Variants in CUL1 observed in about 807,000 individuals in gnomAD.
CUL1 encodes the protein cullin-1.
In CUL1, 24 loss-of-function variants were observed where a neutral mutation model predicts 118.0. That is an observed-to-expected ratio of 0.20 (90% CI 0.15 to 0.29). The LOEUF (loss-of-function observed/expected upper bound fraction) is 0.29. Ranked by LOEUF, CUL1 falls within the 10% of genes least tolerant of loss-of-function variation. CUL1 has a pLI of 1.00. For missense variants in CUL1, 361 were observed against 933.8 expected (o/e 0.39, Z 7.99); for synonymous variants, 332 against 340.4 (o/e 0.98, Z 0.27).
At chr7:148,705,583 A>G (rs1368499077) in intron 1 of CUL1, among the ~76,000 whole-genome samples, 4 of 152,232 alleles carry the variant, frequency 2.6e-5, no homozygotes, top group African/African-American at 9.7e-5. Context: ...CGTGTGCCTA[A>G]TAGGCATCCG....
intron 17 of CUL1, among the ~76,000 whole-genome samples, chr7:148,794,254 A>G (rs1029878258): frequency 6.6e-6 from 1 of 151,098 alleles, no homozygotes; most frequent in African/African-American, 2.4e-5. Flanking sequence ...TATTTTATCT[A>G]TTTTTTCTTT....
intron 1 of CUL1, among the ~76,000 whole-genome samples, chr7:148,705,209 G>C (rs1292955071): frequency 6.6e-6 from 1 of 152,058 alleles, no homozygotes; most frequent in African/African-American, 2.4e-5. Context: ...CACTAGATTA[G>C]GTACTAATGA....
At chr7:148,720,991 G>A (rs977036755) in intron 1 of CUL1, among the ~76,000 whole-genome samples, 2 of 152,184 alleles carry the variant, frequency 1.3e-5, no homozygotes, top group Non-Finnish European at 2.9e-5. Context: ...TTAAAACTCA[G>A]GTTGGCTGTA....
At chr7:148,762,279 C>T (rs1204620462) in intron 7 of CUL1, among the ~76,000 whole-genome samples, 2 of 152,140 alleles carry the variant, frequency 1.3e-5, no homozygotes, top group East Asian at 1.9e-4. Context: ...AAGTCCTATC[C>T]GGTTTGTTTG....
At chr7:148,782,566 A>G (rs1800677112) in intron 9 of CUL1, among the ~76,000 whole-genome samples, 1 of 152,208 alleles carries the variant, frequency 6.6e-6, no homozygotes, top group Admixed American at 6.5e-5. Flanking sequence ...TGTTTATGTC[A>G]GGTGGAGACC....
intron 17 of CUL1, among the ~76,000 whole-genome samples, chr7:148,793,819 G>A (rs1158788974): frequency 1.3e-5 from 2 of 152,146 alleles, no homozygotes; most frequent in African/African-American, 2.4e-5. Context: ...TTGAGGCACT[G>A]CCAGACTGTT....
chr7:148,736,107 G>A lies in CUL1; in HGVS notation c.140+5845G>A, dbSNP rs187053953. On this transcript the variant is annotated intron_variant, in intron 2 of 21. Coordinates refer to ENST00000325222, the MANE Select transcript of CUL1 (RefSeq NM_003592.3). ...GAGAAACACTTGCGCCTGGGAGGTC[G>A]AGGCTGCAGTGAGTCATGATCGCAC... Among the ~76,000 whole-genome samples the A allele has an allele frequency of 1.9e-4, 29 of 151,914 alleles. No individual in the cohort carries two copies. In the East Asian group the frequency reaches 5.4e-3, roughly 28 times the overall value.
chr7:148,714,396 A>G (rs1365277345), intron 1 of CUL1, among the ~76,000 whole-genome samples: 8 of 152,206 alleles, frequency 5.3e-5, no homozygotes, highest in African/African-American at 1.9e-4. Context: ...GTACATTATT[A>G]TTAACTGGAG....
chr7:148,746,369 C>A (rs243494), intron 2 of CUL1, among the ~76,000 whole-genome samples: 46,414 of 151,358 alleles, frequency 0.31, 7,672 homozygotes, highest in South Asian at 0.46. Flanking sequence ...TGCACACTTG[C>A]GTGCAGCCTT....
chr7:148,766,770 G>GT, intron 8 of CUL1, 47 bp downstream of exon 8: 1 of 1,486,316 alleles, frequency 6.7e-7, no homozygotes, highest in Non-Finnish European at 9.2e-7. Flanking sequence ...ATTATCTGTA[G>GT]TTTTGATATT....
rs916160029 is a variant in CUL1, at chr7:148,759,202, G to T, written c.484-102G>T. The T allele has an allele frequency of 2.5e-6, 3 of 1,181,614 alleles. No individual in the cohort carries two copies. In the African/African-American group the frequency reaches 4.6e-5, roughly 18 times the overall value. 73.2% of individuals were successfully genotyped at this position (1,181,614 alleles called of 1,614,324 possible). A position where few individuals can be genotyped will look rare whatever the true frequency, so the allele number is the denominator to read the frequency against. On this transcript the variant is annotated intron_variant, in intron 4 of 21. Coordinates refer to ENST00000325222, the MANE Select transcript of CUL1 (RefSeq NM_003592.3). Reference sequence around the variant, plus strand: ...CAGATTTTGACCAACTTGTAATCTAGAAATTTTGATAAAGTAATTTGAGAT... The same window carrying T: ...CAGATTTTGACCAACTTGTAATCTATAAATTTTGATAAAGTAATTTGAGAT...
chr7:148,717,548 G>A (rs992711329), intron 1 of CUL1, among the ~76,000 whole-genome samples: 2 of 151,578 alleles, frequency 1.3e-5, no homozygotes, highest in African/African-American at 4.9e-5. Context: ...ATTGCTGTTG[G>A]TCTAAGTTGA....
chr7:148,747,908 G>A (rs1466478162), intron 2 of CUL1, among the ~76,000 whole-genome samples: 1 of 152,164 alleles, frequency 6.6e-6, no homozygotes, highest in Non-Finnish European at 1.5e-5. Flanking sequence ...GGTATAGAAG[G>A]TAACATGAAA....
In CUL1 at chr7:148,782,657, A is replaced by G. The variant is rs144591934; in HGVS notation, c.1084-1126A>G. 2.1e-3 allele frequency among the ~76,000 whole-genome samples: 321 copies of G among 152,270 alleles called. 1 individual carries two copies. The highest frequency in any genetic ancestry group is 5.9e-3 in the African/African-American group (244 of 41,558). On this transcript the variant is annotated intron_variant, in intron 9 of 21. Transcript: ENST00000325222. The stretch of plus-strand genomic sequence containing the variant: ...TTATATAGAGCTTTTTTTAACAGGA[A>G]ACTTCTGACACTCTTAAGTGTAACC...
intron 1 of CUL1, among the ~76,000 whole-genome samples, chr7:148,704,483 C>CA (rs914448600): frequency 1.2e-4 from 18 of 151,548 alleles, no homozygotes; most frequent in African/African-American, 2.2e-4. Flanking sequence ...TAAGAAAATA[C>CA]AAAAAAAATG....
At chr7:148,757,851 T>G (rs190877733) in intron 4 of CUL1, among the ~76,000 whole-genome samples, 3 of 152,248 alleles carry the variant, frequency 2.0e-5, no homozygotes, top group Admixed American at 2.0e-4. Flanking sequence ...CGGAAACCCC[T>G]TATAAAACCA....
At chr7:148,719,138 C>T (rs1372777011) in intron 1 of CUL1, among the ~76,000 whole-genome samples, 1 of 151,994 alleles carries the variant, frequency 6.6e-6, no homozygotes, top group African/African-American at 2.4e-5. Context: ...GGTGAAACCC[C>T]GTCTCTACTA....
chr7:148,796,707 C>G (rs1053720924), intron 17 of CUL1, among the ~76,000 whole-genome samples: 1 of 152,106 alleles, frequency 6.6e-6, no homozygotes, highest in African/African-American at 2.4e-5. Flanking sequence ...AGGCCAGTCT[C>G]CTGAGTGGTT....
chr7:148,800,779 C>A lies in CUL1; in HGVS notation c.*197C>A. 1.9e-6 allele frequency: 1 copy of A among 521,530 alleles called. No individual in the cohort carries two copies. The highest frequency in any genetic ancestry group is 2.4e-5 in the South Asian group (1 of 42,210). The allele number at this position is 521,530 out of a possible 1,614,324, so 32.3% of individuals were successfully genotyped here. On this transcript the variant is annotated 3_prime_UTR_variant, in exon 22 of 22. Transcript: ENST00000325222. This position sits in a 1 kb window ranked among gnomAD's most constrained non-coding sequence, Gnocchi z 4.6. ...TTGATACATTTCAAGTCTGTAAATA[C>A]GGACACCAACGCCATTTACCCTAAT...
Sources: gnomAD v4.1 joint callset for allele counts (sites outside exome capture counted in the v4.1 genomes callset) on GRCh38, gnomAD v4.1.1 for gene constraint, Gnocchi (gnomAD v3.1) non-coding constraint, MANE v1.5 for transcripts, NCBI Gene and HGNC (gene_info 2026-07-23, HGNC 2026-07-21) for gene names.